The following FRMPD1 variants were observed in gnomAD, a reference collection of about 807,000 sequenced individuals.
FRMPD1 encodes the protein FERM and PDZ domain containing 1, also known as FERM and PDZ domain-containing protein 1.
FRMPD1 carries 76 observed loss-of-function variants against 117.8 expected under a neutral mutation model. The ratio of observed to expected loss-of-function variants is 0.65; its 90% confidence interval spans 0.54 to 0.78. The LOEUF (loss-of-function observed/expected upper bound fraction) is 0.78, where lower values mean the gene tolerates loss of function less well. FRMPD1 is among the 30% of genes least tolerant of loss of function. The pLI, the probability that FRMPD1 is intolerant of heterozygous loss-of-function variation, is 0.00. For missense variants in FRMPD1, 1,786 were observed against 1,964.5 expected (o/e 0.91, Z 1.72); for synonymous variants, 783 against 770.4 (o/e 1.02, Z -0.27).
rs776939560 is a variant in FRMPD1 at position 37,745,271 on chromosome 9, A to G, written c.3239A>G (p.Asp1080Gly). 6.2e-7 allele frequency: 1 copy of G among 1,612,456 alleles called. No homozygotes were observed. The highest frequency in any genetic ancestry group is 8.5e-7 in the Non-Finnish European group (1 of 1,178,564). Residue 1080 changes from aspartate (D) to glycine (G), a missense_variant, in exon 16 of 16, where the codon GAT (aspartate) becomes GGT (glycine). Transcript: ENST00000377765. ...KYTEPLLSPR[D>G]EPRSDECGIN... ...ACAGAGCCTTTGTTGTCTCCTAGAG[A>G]TGAGCCTAGAAGTGATGAATGTGGA...
At chr9:37,657,257 C>T (rs1022854625) in intron 1 of FRMPD1, among the ~76,000 whole-genome samples, 1 of 152,208 alleles carries the variant, frequency 6.6e-6, no homozygotes, top group Non-Finnish European at 1.5e-5. Flanking sequence ...TCCCACCTCC[C>T]CTGCCAGTTG....
chr9:37,740,877 C>A lies in FRMPD1; in HGVS notation c.2349C>A (p.Pro783=). The A allele has an allele frequency of 1.2e-6, 2 of 1,613,364 alleles. No individual in the cohort carries two copies. The highest frequency in any genetic ancestry group is 1.7e-6 in the Non-Finnish European group (2 of 1,179,264). ...DAADKLTPPG[P]PSGPRDVSTA... ...CTGATAAGCTCACTCCCCCAGGCCC[C>A]CCGTCAGGTGAGCCGTCCCTTGCAG... is the stretch of plus-strand genomic sequence containing the variant. The change falls in exon 15 of 16, where the codon CCC becomes CCA. Residue 783 remains proline (P), a synonymous_variant. Transcript: ENST00000377765. This position sits in a 1 kb window ranked among gnomAD's most constrained non-coding sequence, Gnocchi z 4.2.
At chr9:37,642,327 A>G in the FRMPD1 span, among the ~76,000 whole-genome samples, 1 of 152,082 alleles carries the variant, frequency 6.6e-6, no homozygotes, top group African/African-American at 2.4e-5. Context: ...GTTCCTTTCC[A>G]TCCTTAGAGC....
At chr9:37,618,786 G>A in the FRMPD1 span, among the ~76,000 whole-genome samples, 1 of 151,924 alleles carries the variant, frequency 6.6e-6, no homozygotes, top group Admixed American at 6.6e-5. Flanking sequence ...TCTCTCTTTC[G>A]GTCTCTGACT....
At chr9:37,732,243 G>T (rs764575857) in intron 9 of FRMPD1, 61 bp from the exon 10 acceptor site, 67 of 1,578,352 alleles carry the variant, frequency 4.2e-5, no homozygotes, top group Non-Finnish European at 5.6e-5. Context: ...TCACCCGAGA[G>T]AACGAGGGGA....
Position 37,717,170 on chromosome 9 carries a change from C to G in FRMPD1, c.409-1899C>G, listed in dbSNP as rs147028208. ...TAGAACCCTGGTCTACCAATATGGA[C>G]TTCTCTCTTCAAAGGAAAAATGAAC... is the stretch of plus-strand genomic sequence containing the variant. On this transcript the variant is annotated intron_variant, in intron 5 of 15. Coordinates refer to ENST00000377765, the MANE Select transcript of FRMPD1 (RefSeq NM_014907.3). Among the ~76,000 whole-genome samples, 607 of 152,064 alleles carry G rather than the reference C, an allele frequency of 4.0e-3. 2 individuals carry two copies. The highest frequency in any genetic ancestry group is 6.8e-3 in the Middle Eastern group (2 of 294).
In FRMPD1 at chr9:37,719,095, C is replaced by A. The variant is rs774428491; in HGVS notation, c.435C>A (p.Thr145=). Residue 145 remains threonine (T), a synonymous_variant, in exon 6 of 16, where the codon ACC becomes ACA. Transcript: ENST00000377765. ...TSGVPKSSFL[T]EEKRARLKTN... ...GAGTCCCTAAATCGTCCTTCCTGACCGAGGAGAAGAGAGCCAGACTGAAGA... is the reference window on the plus strand; with the variant it reads ...GAGTCCCTAAATCGTCCTTCCTGACAGAGGAGAAGAGAGCCAGACTGAAGA... 2.5e-6 allele frequency: 4 copies of A among 1,612,518 alleles called. No homozygotes were observed. The highest frequency in any genetic ancestry group is 3.4e-6 in the Non-Finnish European group (4 of 1,178,702).
intron 5 of FRMPD1, among the ~76,000 whole-genome samples, chr9:37,713,948 C>T (rs189842218): frequency 6.6e-6 from 1 of 152,298 alleles, no homozygotes; most frequent in Non-Finnish European, 1.5e-5. Flanking sequence ...GTGGTCCAAA[C>T]ACTTCATAAA....
chr9:37,635,181 A>T, the FRMPD1 span, among the ~76,000 whole-genome samples: 1 of 152,190 alleles, frequency 6.6e-6, no homozygotes, highest in East Asian at 1.9e-4. Flanking sequence ...TTGTCCATGT[A>T]TTGGCTGTCC....
chr9:37,731,022 C>T lies in FRMPD1; in HGVS notation c.777C>T (p.Leu259=). The T allele has an allele frequency of 6.2e-7, 1 of 1,613,872 alleles. No individual in the cohort carries two copies. The highest frequency in any genetic ancestry group is 8.5e-7 in the Non-Finnish European group (1 of 1,179,754). Residue 259 remains leucine (L), a synonymous_variant, in exon 9 of 16, where the codon CTC becomes CTT. Transcript: ENST00000377765. The part of the protein sequence containing the change: ...EREESHDYRC[L]FRVCFVPKDP... ...AGGAGTCACATGACTACCGCTGCCT[C>T]TTCAGGGTCTGTTTTGTTCCCAAGG...
the FRMPD1 span, among the ~76,000 whole-genome samples, chr9:37,634,781 A>G: frequency 6.6e-6 from 1 of 151,524 alleles, no homozygotes; most frequent in Non-Finnish European, 1.5e-5. Context: ...TTTTTTAAAA[A>G]GGGATCCATG....
At position 37,745,147 on chromosome 9, in the gene FRMPD1, G is replaced by A. The variant is rs1462134983; in HGVS notation, c.3115G>A (p.Gly1039Arg). 1.9e-6 allele frequency: 3 copies of A among 1,613,992 alleles called. No individual in the cohort carries two copies. The highest frequency in any genetic ancestry group is 2.2e-5 in the East Asian group (1 of 44,884). Residue 1039 changes from glycine (G) to arginine (R), a missense_variant, in exon 16 of 16, where the codon GGA (glycine) becomes AGA (arginine). Physicochemically the swap from Gly to Arg is moderately radical, Grantham distance 125. Transcript: ENST00000377765. ...SNPGLNNVSQ[G>R]DTLELQLEPH... ...CCCAGGACTAAATAATGTCTCTCAAGGAGACACACTAGAGCTCCAGTTGGA... is the reference window on the plus strand; with the variant it reads ...CCCAGGACTAAATAATGTCTCTCAAAGAGACACACTAGAGCTCCAGTTGGA...
chr9:37,677,119 C>T (rs1318939330), intron 1 of FRMPD1, among the ~76,000 whole-genome samples: 2 of 152,122 alleles, frequency 1.3e-5, no homozygotes, highest in Non-Finnish European at 2.9e-5. Flanking sequence ...TCTAGGGGCC[C>T]GCAAACCCAT....
intron 1 of FRMPD1, among the ~76,000 whole-genome samples, chr9:37,666,150 A>G (rs1484862749): frequency 6.6e-6 from 1 of 152,176 alleles, no homozygotes; most frequent in African/African-American, 2.4e-5. Context: ...GGTAGGTAGT[A>G]GGAGTTCTCC....
chr9:37,670,604 G>T (rs772749740), intron 1 of FRMPD1, among the ~76,000 whole-genome samples: 1 of 152,216 alleles, frequency 6.6e-6, no homozygotes, highest in Non-Finnish European at 1.5e-5. Context: ...ATGTAACTAG[G>T]TCAGTGTCAA....
intron 5 of FRMPD1, among the ~76,000 whole-genome samples, chr9:37,713,156 C>G (rs7043851): frequency 0.25 from 37,636 of 152,026 alleles, 5,143 homozygotes; most frequent in South Asian, 0.38. Context: ...TGAGACTTAT[C>G]TCAAGAAAAC....
intron 1 of FRMPD1, among the ~76,000 whole-genome samples, chr9:37,678,256 T>C (rs1821600262): frequency 1.1e-5 from 1 of 87,898 alleles, no homozygotes; most frequent in African/African-American, 5.8e-5. Flanking sequence ...TACCACTTTT[T>C]TTTTTTTTTT....
rs200892375 is a variant in FRMPD1 at position 37,745,693 on chromosome 9, G to C, written c.3661G>C (p.Val1221Leu). 2 of 1,614,006 alleles carry C rather than the reference G, an allele frequency of 1.2e-6. No homozygotes were observed. The highest frequency in any genetic ancestry group is 1.7e-6 in the Non-Finnish European group (2 of 1,179,934). The change falls in exon 16 of 16, where the codon GTC becomes CTC. Residue 1221 changes from valine to leucine, a missense_variant. Coordinates refer to ENST00000377765, the MANE Select transcript of FRMPD1 (RefSeq NM_014907.3). ...FLGKQTVSPA[V>L]PPEGIKAEAP... is the part of the protein sequence containing the mutation. ...TGGGAAGCAGACAGTTTCACCAGCC[G>C]TCCCTCCAGAGGGGATCAAGGCAGA...
At chr9:37,609,387 C>T in the FRMPD1 span, among the ~76,000 whole-genome samples, 1 of 152,170 alleles carries the variant, frequency 6.6e-6, no homozygotes, top group African/African-American at 2.4e-5. Context: ...ACTTCCTCCC[C>T]TTCAGTTTTC....
Sources: allele counts gnomAD v4.1 joint callset (sites outside exome capture counted in the v4.1 genomes callset), GRCh38; gene constraint gnomAD v4.1.1; non-coding constraint Gnocchi (gnomAD v3.1); transcripts MANE v1.5; gene names NCBI Gene and HGNC (gene_info 2026-07-23, HGNC 2026-07-21).